The following ROBO2 variants were observed in gnomAD, a reference collection of about 807,000 sequenced individuals.
ROBO2 encodes roundabout guidance receptor 2.
In ROBO2, 53 loss-of-function variants were observed where a neutral mutation model predicts 160.8. The observed-to-expected ratio is 0.33, with a 90% CI of 0.26 to 0.41. The LOEUF (loss-of-function observed/expected upper bound fraction) is 0.41, where lower values mean the gene tolerates loss of function less well. ROBO2 is among the 10% of genes least tolerant of loss of function. The pLI is 1.00. For missense variants in ROBO2, 1,577 were observed against 1,722.4 expected (o/e 0.92, Z 1.49); for synonymous variants, 664 against 611.7 (o/e 1.09, Z -1.26).
intron 2 of ROBO2, among the ~76,000 whole-genome samples, chr3:77,380,967 C>T (rs988624536): frequency 6.6e-6 from 1 of 152,070 alleles, no homozygotes; most frequent in East Asian, 1.9e-4. Context: ...CCACCACTAC[C>T]CTTGCTACCC....
intron 2 of ROBO2, among the ~76,000 whole-genome samples, chr3:77,429,260 A>G (rs964045538): frequency 6.6e-6 from 1 of 152,154 alleles, no homozygotes; most frequent in African/African-American, 2.4e-5. Flanking sequence ...TGATCCTGGT[A>G]ATAGGCCAGG....
chr3:76,415,836 GA>G, intron 2 of ROBO2, among the ~76,000 whole-genome samples: 1 of 152,152 alleles, frequency 6.6e-6, no homozygotes, highest in East Asian at 1.9e-4. Context: ...ATTTTAATAA[GA>G]ACAAAACACT....
At chr3:76,124,014 A>G (rs2070861018) in intron 2 of ROBO2, among the ~76,000 whole-genome samples, 1 of 152,122 alleles carries the variant, frequency 6.6e-6, no homozygotes, top group Non-Finnish European at 1.5e-5. Flanking sequence ...TAGTGAAGGA[A>G]AGTAATCACT....
chr3:76,069,622 C>CT (rs34954573), intron 2 of ROBO2, among the ~76,000 whole-genome samples: 3 of 151,068 alleles, frequency 2.0e-5, no homozygotes, highest in Non-Finnish European at 3.0e-5. Flanking sequence ...AATACCTACA[C>CT]TTTTTTTTTA....
intron 2 of ROBO2, among the ~76,000 whole-genome samples, chr3:76,135,555 A>G (rs1244581674): frequency 6.6e-6 from 1 of 152,162 alleles, no homozygotes; most frequent in East Asian, 1.9e-4. Context: ...GAAAGATGTT[A>G]TGGGCTGGGA....
intron 2 of ROBO2, among the ~76,000 whole-genome samples, chr3:76,804,810 G>A (rs569741585): frequency 2.0e-5 from 3 of 152,132 alleles, no homozygotes; most frequent in East Asian, 1.9e-4. Flanking sequence ...ACTTAACCCC[G>A]CCAGATTAGT....
rs78223629 is a variant in ROBO2 at position 76,025,660 on chromosome 3, G to T, written c.109+88058G>T. On this transcript the variant is annotated intron_variant, in intron 2 of 26. Coordinates refer to the ROBO2 transcript ENST00000487694. ...TAAAAACATCATGGAATTAGTAGTT[G>T]TTGGAATGATCACATTGTTGTAAAG... 2.4e-3 allele frequency among the ~76,000 whole-genome samples: 357 copies of T among 151,874 alleles called. 7 individuals are homozygous for T. In the East Asian group the frequency reaches 0.036, roughly 15 times the overall value.
intron 2 of ROBO2, among the ~76,000 whole-genome samples, chr3:76,933,176 G>C (rs927832293): frequency 6.6e-6 from 1 of 152,116 alleles, no homozygotes; most frequent in Non-Finnish European, 1.5e-5. Context: ...AGTCTCATTA[G>C]TTTTTTCATA....
intron 2 of ROBO2, among the ~76,000 whole-genome samples, chr3:76,446,235 T>A (rs991193302): frequency 1.1e-3 from 172 of 152,162 alleles, no homozygotes; most frequent in Middle Eastern, 6.8e-3. Flanking sequence ...AAGCATTCTT[T>A]TACAACAATA....
chr3:76,053,932 A>G (rs2067745009), intron 2 of ROBO2, among the ~76,000 whole-genome samples: 1 of 152,156 alleles, frequency 6.6e-6, no homozygotes, highest in Admixed American at 6.5e-5. Context: ...CAAAAATATC[A>G]TGCAAGCATA....
intron 2 of ROBO2, among the ~76,000 whole-genome samples, chr3:76,290,577 A>G (rs183545993): frequency 3.3e-5 from 5 of 152,182 alleles, no homozygotes; most frequent in Non-Finnish European, 5.9e-5. Context: ...AGTGGGAAGA[A>G]TGGACATTCT....
chr3:77,153,082 T>A (rs1262836861), intron 2 of ROBO2, among the ~76,000 whole-genome samples: 2 of 152,160 alleles, frequency 1.3e-5, no homozygotes, highest in Non-Finnish European at 2.9e-5. Flanking sequence ...TAGTCTTTAT[T>A]TCTTTTGATG....
At chr3:77,492,981 A>T (rs1209083119) in intron 4 of ROBO2, among the ~76,000 whole-genome samples, 1 of 152,124 alleles carries the variant, frequency 6.6e-6, no homozygotes, top group Non-Finnish European at 1.5e-5. Context: ...TAGCTCAGGG[A>T]TTCACTGAAA....
chr3:76,759,846 C>T (rs2061200951), intron 2 of ROBO2, among the ~76,000 whole-genome samples: 1 of 151,710 alleles, frequency 6.6e-6, no homozygotes. Flanking sequence ...CGGTGGGATT[C>T]CCAGGTGCTT....
At position 77,391,860 on chromosome 3, in the gene ROBO2, G is replaced by A. The variant is rs148800085; in HGVS notation, c.389-85554G>A. ...TAAGCATGAGCCACCATTCCTGGCCGAAAGCATTCTTTTTTTGTAAAGTGA... is the reference window on the plus strand; with the variant it reads ...TAAGCATGAGCCACCATTCCTGGCCAAAAGCATTCTTTTTTTGTAAAGTGA... On this transcript the variant is annotated intron_variant, in intron 2 of 25. Coordinates refer to ENST00000461745, the Ensembl canonical transcript of ROBO2. 5.3e-5 allele frequency among the ~76,000 whole-genome samples: 8 copies of A among 152,132 alleles called. No homozygotes were observed. In the East Asian group the frequency reaches 9.7e-4, roughly 18 times the overall value.
chr3:77,553,604 C>G (rs1471624697), intron 8 of ROBO2, among the ~76,000 whole-genome samples: 1 of 151,892 alleles, frequency 6.6e-6, no homozygotes, highest in African/African-American at 2.4e-5. Flanking sequence ...AAGTGCTACT[C>G]CAGTGAACAC....
At chr3:76,087,766 T>G (rs1183265431) in intron 2 of ROBO2, among the ~76,000 whole-genome samples, 2 of 151,618 alleles carry the variant, frequency 1.3e-5, no homozygotes, top group Non-Finnish European at 2.9e-5. Flanking sequence ...CAGGAGTGAG[T>G]AATTAGAGTT....
At chr3:76,153,867 A>G (rs1342938490) in intron 2 of ROBO2, among the ~76,000 whole-genome samples, 1 of 152,154 alleles carries the variant, frequency 6.6e-6, no homozygotes, top group Non-Finnish European at 1.5e-5. Context: ...GTCATCAAGA[A>G]CCAGAGTGAG....
At chr3:76,321,282 C>G (rs1392193820) in intron 2 of ROBO2, among the ~76,000 whole-genome samples, 1 of 151,940 alleles carries the variant, frequency 6.6e-6, no homozygotes, top group Non-Finnish European at 1.5e-5. Context: ...TTTGGGAGGC[C>G]GAGGTGGGCG....
Sources: allele counts gnomAD v4.1 joint callset (sites outside exome capture counted in the v4.1 genomes callset), GRCh38; gene constraint gnomAD v4.1.1; transcripts MANE v1.5; gene names NCBI Gene and HGNC (gene_info 2026-07-23, HGNC 2026-07-21).